The following PBRM1 variants were observed in gnomAD, a reference collection of about 807,000 sequenced individuals.
The protein encoded by PBRM1 is polybromo 1.
In PBRM1, 27 loss-of-function variants were observed where a neutral mutation model predicts 194.5. The ratio of observed to expected loss-of-function variants is 0.14; its 90% CI spans 0.10 to 0.19. PBRM1 has a LOEUF of 0.19. PBRM1 is among the 10% of genes least tolerant of loss of function. The pLI is 1.00. For missense variants in PBRM1, 1,466 were observed against 2,077.2 expected (o/e 0.71, Z 5.72); for synonymous variants, 655 against 693.2 (o/e 0.94, Z 0.87).
chr3:52,571,743 A>G (rs1157400731), intron 22 of PBRM1, among the ~76,000 whole-genome samples: 1 of 147,114 alleles, frequency 6.8e-6, no homozygotes, highest in East Asian at 2.1e-4. Context: ...TATTGGGGCT[A>G]GGTAAGGTAG....
At chr3:52,564,881 G>T (rs1297795794) in intron 22 of PBRM1, among the ~76,000 whole-genome samples, 3 of 152,060 alleles carry the variant, frequency 2.0e-5, no homozygotes, top group African/African-American at 7.2e-5. Context: ...GAATGCAGTT[G>T]AACTCCTACC....
chr3:52,551,615 CTT>C (rs1265099688), intron 27 of PBRM1, among the ~76,000 whole-genome samples: 1 of 152,170 alleles, frequency 6.6e-6, no homozygotes, highest in Non-Finnish European at 1.5e-5. Context: ...GTCAGAGGCT[CTT>C]TTGATTTCAG....
intron 18 of PBRM1, 43 bp from the exon 21 acceptor site, chr3:52,587,553 AT>A: frequency 3.1e-6 from 4 of 1,279,814 alleles, no homozygotes; most frequent in Non-Finnish European, 4.4e-6. Context: ...AAAGAGAATC[AT>A]TGTTAACAGA....
chr3:52,585,468 T>C (rs977616364), intron 20 of PBRM1: 7 of 152,224 alleles, frequency 4.6e-5, no homozygotes, highest in African/African-American at 1.7e-4. Flanking sequence ...TTAGCCATTT[T>C]ATTTAGGTTT....
intron 5 of PBRM1, among the ~76,000 whole-genome samples, chr3:52,655,717 C>T (rs2096595547): frequency 6.6e-6 from 1 of 152,166 alleles, no homozygotes; most frequent in Non-Finnish European, 1.5e-5. Context: ...GTAAGATTCA[C>T]ACATAGGACA....
chr3:52,558,342 G>A, exon 26 of PBRM1: 1 of 1,550,282 alleles, frequency 6.5e-7, no homozygotes, highest in Non-Finnish European at 8.7e-7. Context: ...CCTGCTCGGG[G>A]AGAAGCACTC....
intron 26 of PBRM1, among the ~76,000 whole-genome samples, chr3:52,557,535 T>C (rs373519442): frequency 6.6e-6 from 1 of 152,216 alleles, no homozygotes; most frequent in East Asian, 1.9e-4. Context: ...GACAAAGATA[T>C]TCAATTCAAG....
intron 5 of PBRM1, among the ~76,000 whole-genome samples, chr3:52,652,637 C>A (rs1382209910): frequency 6.6e-6 from 1 of 151,696 alleles, no homozygotes; most frequent in Non-Finnish European, 1.5e-5. Flanking sequence ...TTGCAGCGAG[C>A]CGAGATCATG....
At chr3:52,627,160 C>G in intron 13 of PBRM1, 113 bp downstream of exon 14, 1 of 576,942 alleles carries the variant, frequency 1.7e-6, no homozygotes, top group Non-Finnish European at 3.1e-6. Flanking sequence ...GAACACATTA[C>G]CATTTATTTA....
chr3:52,562,949 A>C (rs1330871736), intron 24 of PBRM1, among the ~76,000 whole-genome samples: 1 of 152,190 alleles, frequency 6.6e-6, no homozygotes, highest in Non-Finnish European at 1.5e-5. Flanking sequence ...TAAAAGCTAA[A>C]GACAAACAGG....
chr3:52,649,588 AT>A (rs2096432332), intron 6 of PBRM1, among the ~76,000 whole-genome samples: 1 of 152,212 alleles, frequency 6.6e-6, no homozygotes, highest in African/African-American at 2.4e-5. Flanking sequence ...CAACATTTCT[AT>A]GAGCTATCCA....
chr3:52,589,957 T>C (rs1028487741), intron 17 of PBRM1, among the ~76,000 whole-genome samples: 2 of 151,694 alleles, frequency 1.3e-5, no homozygotes, highest in Non-Finnish European at 2.9e-5. Flanking sequence ...GCCTCCCGAG[T>C]AGCTGGGATT....
intron 18 of PBRM1, 70 bp downstream of exon 20, chr3:52,589,000 C>T: frequency 8.9e-7 from 1 of 1,123,038 alleles, no homozygotes; most frequent in Non-Finnish European, 1.3e-6. Flanking sequence ...AAATTTTCTT[C>T]CCTGAGGAGC....
At chr3:52,570,882 CTT>C (rs1291090373) in intron 22 of PBRM1, among the ~76,000 whole-genome samples, 3 of 148,008 alleles carry the variant, frequency 2.0e-5, no homozygotes, top group Non-Finnish European at 4.5e-5. Flanking sequence ...CCCTACACAT[CTT>C]TGTTTCTTCG....
At chr3:52,648,536 C>T (rs1417392332) in intron 6 of PBRM1, 94 bp from the exon 8 acceptor site, 1 of 649,994 alleles carries the variant, frequency 1.5e-6, no homozygotes, top group African/African-American at 1.9e-5. Flanking sequence ...TAAATTGTCA[C>T]CATATTCCAA....
chr3:52,558,370 T>C, exon 26 of PBRM1: 3 of 1,550,034 alleles, frequency 1.9e-6, no homozygotes, highest in Non-Finnish European at 2.6e-6. Context: ...GTTGCTGTGC[T>C]GCTCGCTCTC....
chr3:52,668,168 G>A (rs1038088099), intron 3 of PBRM1, among the ~76,000 whole-genome samples: 3 of 152,116 alleles, frequency 2.0e-5, no homozygotes, highest in Non-Finnish European at 2.9e-5. Flanking sequence ...ATGGTGGCAC[G>A]TGCCTATAGT....
At chr3:52,563,354 G>T in exon 24 of PBRM1, 1 of 1,613,970 alleles carries the variant, frequency 6.2e-7, no homozygotes, top group Non-Finnish European at 8.5e-7. Flanking sequence ...AGAGAAGGAG[G>T]TTCAATGACC....
intron 10 of PBRM1, among the ~76,000 whole-genome samples, chr3:52,640,022 G>A (rs2096009678): frequency 6.6e-6 from 1 of 152,126 alleles, no homozygotes; most frequent in South Asian, 2.1e-4. Context: ...GTAGTGTTTT[G>A]AATTTCTCTG....
Sources: gnomAD v4.1 joint callset for allele counts (sites outside exome capture counted in the v4.1 genomes callset) on GRCh38, gnomAD v4.1.1 for gene constraint, MANE v1.5 for transcripts, NCBI Gene and HGNC (gene_info 2026-07-23, HGNC 2026-07-21) for gene names.